The following DIS3L2 variants were observed in gnomAD, a reference collection of about 807,000 sequenced individuals.
The protein encoded by DIS3L2 is DIS3-like exonuclease 2.
A neutral mutation model predicts 97.5 loss-of-function variants in DIS3L2; 34 were observed. The observed-to-expected ratio is 0.35, with a 90% CI of 0.27 to 0.46. The LOEUF (loss-of-function observed/expected upper bound fraction) is 0.46. Among genes scored for constraint, DIS3L2 ranks in the 20% least tolerant of loss-of-function variants. DIS3L2 has a pLI of 1.00. For synonymous variants in DIS3L2, 435 were observed against 445.2 expected (o/e 0.98, Z 0.29); for missense variants, 1,038 against 1,146.0 (o/e 0.91, Z 1.36).
At chr2:231,981,598 TTATATATATATATATATATATATA>T (rs10669283) in intron 1 of DIS3L2, among the ~76,000 whole-genome samples, 6 of 84,056 alleles carry the variant, frequency 7.1e-5, no homozygotes, top group South Asian at 5.1e-4. Context: ...GTTAAGTATT[TTATATATATATATATATATATATA>T]TATATATATA....
rs78833859 is a variant in DIS3L2 at position 232,166,172 on chromosome 2, T to C, written c.1124+2540T>C. Among the ~76,000 whole-genome samples, 836 of 151,978 alleles carry C rather than the reference T, an allele frequency of 5.5e-3. 5 individuals carry two copies. The highest frequency in any genetic ancestry group is 0.018 in the African/African-American group (729 of 41,500). On this transcript the variant is annotated intron_variant, in intron 9 of 20. Transcript: ENST00000325385. Reference sequence around the variant, plus strand: ...TACTTGGGAAGCTGGGGCGGGAGGATTGTTTGAGCCTGGGAGTTTGAGGCT... The same window carrying C: ...TACTTGGGAAGCTGGGGCGGGAGGACTGTTTGAGCCTGGGAGTTTGAGGCT...
chr2:232,145,201 T>C (rs1690185011), intron 8 of DIS3L2, among the ~76,000 whole-genome samples: 2 of 152,180 alleles, frequency 1.3e-5, no homozygotes, highest in African/African-American at 2.4e-5. Context: ...CAGAAAGTAA[T>C]CTTTTTAGCA....
intron 14 of DIS3L2, among the ~76,000 whole-genome samples, chr2:232,311,706 G>T (rs73995213): frequency 0.023 from 3,446 of 152,176 alleles, 114 homozygotes; most frequent in African/African-American, 0.078. Context: ...TCATATAAAT[G>T]GAATTATTTA....
intron 15 of DIS3L2, among the ~76,000 whole-genome samples, chr2:232,330,473 C>A (rs1695702997): frequency 6.6e-6 from 1 of 152,182 alleles, no homozygotes; most frequent in African/African-American, 2.4e-5. Flanking sequence ...AGCTGGAGCC[C>A]AGTGAGTCCA....
At chr2:232,222,073 T>G (rs188531870) in intron 10 of DIS3L2, among the ~76,000 whole-genome samples, 1,573 of 151,752 alleles carry the variant, frequency 0.01, 35 homozygotes, top group African/African-American at 0.036. Context: ...CTCCTGAGTA[T>G]CTGGGATTAC....
intron 12 of DIS3L2, among the ~76,000 whole-genome samples, chr2:232,255,875 A>G (rs1169748711): frequency 1.3e-5 from 2 of 152,162 alleles, no homozygotes; most frequent in East Asian, 3.9e-4. Flanking sequence ...CTCATGCTAC[A>G]TCTGCATCCA....
At chr2:232,286,743 G>T (rs926527531) in intron 13 of DIS3L2, among the ~76,000 whole-genome samples, 1 of 152,158 alleles carries the variant, frequency 6.6e-6, no homozygotes, top group African/African-American at 2.4e-5. Context: ...GCAGCCTAAA[G>T]AGGCTGTACC....
chr2:232,172,987 C>T (rs1227163386), intron 9 of DIS3L2, among the ~76,000 whole-genome samples: 1 of 152,130 alleles, frequency 6.6e-6, no homozygotes, highest in Non-Finnish European at 1.5e-5. Context: ...GATTGCCTTT[C>T]TATTGTTGAG....
At chr2:232,329,788 C>CCGGGGGGGGGG in intron 14 of DIS3L2, 25 bp from the exon 15 acceptor site, 5 of 1,080,632 alleles carry the variant, frequency 4.6e-6, no homozygotes, top group Non-Finnish European at 6.4e-6. Flanking sequence ...CCAGCGGTCC[C>CCGGGGGGGGGG]TCCCATCCCA....
At chr2:232,211,722 T>G (rs902009930) in intron 10 of DIS3L2, among the ~76,000 whole-genome samples, 2 of 152,246 alleles carry the variant, frequency 1.3e-5, no homozygotes, top group Non-Finnish European at 2.9e-5. Flanking sequence ...AGGTTCAGTA[T>G]GTAATCTCTT....
chr2:232,253,492 C>T (rs1392092068), intron 12 of DIS3L2, among the ~76,000 whole-genome samples: 2 of 152,010 alleles, frequency 1.3e-5, no homozygotes, highest in African/African-American at 2.4e-5. Context: ...ATACATAGCA[C>T]ACAGAAAAAC....
chr2:232,039,308 A>G (rs537032617), intron 5 of DIS3L2, among the ~76,000 whole-genome samples: 147 of 152,320 alleles, frequency 9.7e-4, no homozygotes, highest in Non-Finnish European at 1.6e-3. Flanking sequence ...ACATCTCCAA[A>G]CATACTGGCC....
intron 9 of DIS3L2, 145 bp from the exon 10 acceptor site, chr2:232,210,181 A>G: frequency 1.7e-6 from 1 of 583,552 alleles, no homozygotes; most frequent in East Asian, 3.4e-5. Context: ...ACATTTAACT[A>G]AAGATCTCAT....
chr2:232,035,996 G>A lies in DIS3L2; in HGVS notation c.366+5916G>A, dbSNP rs573967249. 2.4e-4 allele frequency among the ~76,000 whole-genome samples: 36 copies of A among 152,162 alleles called. 1 individual carries two copies. The South Asian group carries it at 6.2e-3, about 26-fold the overall frequency. ...TTTTCCTTCATTTCTGACAATATGT[G>A]TCTTGGGGTTGCCTTTCTCGAGGAG... On this transcript the variant is annotated intron_variant, in intron 5 of 20. Transcript: ENST00000325385.
chr2:232,188,974 A>G (rs1193148588), intron 9 of DIS3L2, among the ~76,000 whole-genome samples: 3 of 152,250 alleles, frequency 2.0e-5, no homozygotes, highest in East Asian at 1.9e-4. Context: ...AATGTTTAAC[A>G]TCACGACCCA....
rs893275175 is a variant in DIS3L2 at position 232,113,885 on chromosome 2, C to T, written c.602-16734C>T. ...AGATTAGAAATTATGGTTTAGGAGT[C>T]ATGCAGCTGGAGCTACAGGATTCTG... On this transcript the variant is annotated intron_variant, in intron 6 of 20. Transcript: ENST00000325385. Among the ~76,000 whole-genome samples, 151 of 143,458 alleles carry T rather than the reference C, an allele frequency of 1.1e-3. 2 individuals carry two copies. Among genetic ancestry groups the T allele is most frequent in the Non-Finnish European group, 6.6e-4 (44 of 66,294 alleles). The allele number at this position is 143,458 out of a possible 152,430, so 94.1% of individuals were successfully genotyped here. A position where few individuals can be genotyped will look rare whatever the true frequency, so the allele number is the denominator to read the frequency against.
chr2:232,038,095 C>T (rs1695002915), intron 5 of DIS3L2, among the ~76,000 whole-genome samples: 1 of 152,202 alleles, frequency 6.6e-6, no homozygotes, highest in Non-Finnish European at 1.5e-5. Context: ...ACAGTGTCTT[C>T]CCTGGATTCC....
At chr2:232,125,522 T>C (rs1698039794) in intron 6 of DIS3L2, among the ~76,000 whole-genome samples, 1 of 152,222 alleles carries the variant, frequency 6.6e-6, no homozygotes, top group African/African-American at 2.4e-5. Context: ...ACTACTCCTC[T>C]TTCCTCAGTG....
chr2:232,015,762 C>A, intron 3 of DIS3L2, 91 bp downstream of exon 3: 1 of 1,452,268 alleles, frequency 6.9e-7, no homozygotes, highest in Non-Finnish European at 9.3e-7. Context: ...TATATGCTTT[C>A]AGAGAGACGA....
Sources: allele counts gnomAD v4.1 joint callset (sites outside exome capture counted in the v4.1 genomes callset), GRCh38; gene constraint gnomAD v4.1.1; transcripts MANE v1.5; gene names NCBI Gene and HGNC (gene_info 2026-07-23, HGNC 2026-07-21).